Variants in MIX23 observed in about 807,000 individuals in gnomAD.
MIX23 encodes the protein protein MIX23.
A neutral mutation model predicts 21.6 loss-of-function variants in MIX23; 13 were observed. The observed-to-expected ratio is 0.60, with a 90% CI of 0.39 to 0.96. The LOEUF (loss-of-function observed/expected upper bound fraction) is 0.96, where lower values mean the gene tolerates loss of function less well. Among genes scored for constraint, MIX23 ranks in the 40% least tolerant of loss-of-function variants. The pLI is 0.00. For synonymous variants in MIX23, 59 were observed against 58.0 expected (o/e 1.02, Z -0.08); for missense variants, 144 against 171.2 (o/e 0.84, Z 0.89).
chr3:122,360,162 G>A (rs957607036), intron 4 of MIX23, among the ~76,000 whole-genome samples: 1 of 151,222 alleles, frequency 6.6e-6, no homozygotes, highest in Admixed American at 6.6e-5. Flanking sequence ...AGTTACTTCG[G>A]GAAAAAATCA....
chr3:122,360,242 A>C (rs1236996413), intron 4 of MIX23, among the ~76,000 whole-genome samples: 1 of 152,238 alleles, frequency 6.6e-6, no homozygotes, highest in East Asian at 1.9e-4. Context: ...TTAAACAACA[A>C]CACAAAAATA....
At chr3:122,378,933 T>C (rs984193329) in intron 1 of MIX23, among the ~76,000 whole-genome samples, 8 of 152,244 alleles carry the variant, frequency 5.3e-5, no homozygotes. Flanking sequence ...AGCCACCTGT[T>C]GCTAGTGGCT....
chr3:122,382,094 C>T (rs1367953570), intron 1 of MIX23, among the ~76,000 whole-genome samples: 2 of 152,104 alleles, frequency 1.3e-5, no homozygotes, highest in African/African-American at 4.8e-5. Flanking sequence ...TCTAGGCACT[C>T]GATTTTAAAC....
intron 1 of MIX23, among the ~76,000 whole-genome samples, chr3:122,377,789 G>A (rs373024831): frequency 5.3e-5 from 8 of 152,108 alleles, no homozygotes; most frequent in South Asian, 4.1e-4. Context: ...TCAAGGTTAC[G>A]GTTACCTATG....
At chr3:122,363,806 AG>A (rs2075377021) in intron 3 of MIX23, among the ~76,000 whole-genome samples, 1 of 152,028 alleles carries the variant, frequency 6.6e-6, no homozygotes, top group Non-Finnish European at 1.5e-5. Context: ...CCAACAGAAA[AG>A]TAGCCAATTC....
At chr3:122,382,835 G>T (rs1003017739) in intron 1 of MIX23, among the ~76,000 whole-genome samples, 1 of 152,202 alleles carries the variant, frequency 6.6e-6, no homozygotes, top group Non-Finnish European at 1.5e-5. Context: ...AGTAGGAGAG[G>T]AATGGCAGAA....
intron 1 of MIX23, among the ~76,000 whole-genome samples, chr3:122,375,679 T>A (rs893521534): frequency 6.6e-5 from 10 of 152,148 alleles, no homozygotes; most frequent in African/African-American, 9.7e-5. Context: ...AACTTTTTTT[T>A]AAAGTTTTGT....
At chr3:122,363,072 G>GA in intron 3 of MIX23, 45 bp from the exon 4 acceptor site, 45 of 1,499,384 alleles carry the variant, frequency 3.0e-5, no homozygotes, top group Non-Finnish European at 3.4e-5. Flanking sequence ...TAAAGAGCAA[G>GA]AAAAAAAACT....
intron 1 of MIX23, among the ~76,000 whole-genome samples, chr3:122,373,804 G>A (rs140313961): frequency 1.4e-4 from 22 of 152,186 alleles, no homozygotes; most frequent in Middle Eastern, 6.8e-3. Context: ...CTTGCAGAAG[G>A]CTCATAATTC....
In MIX23 at chr3:122,373,184, T is replaced by C. The variant is rs1000900194; in HGVS notation, c.52-1384A>G. Among the ~76,000 whole-genome samples the C allele has an allele frequency of 1.2e-4, 19 of 152,112 alleles. No individual in the cohort carries two copies. The East Asian group carries it at 2.3e-3, about 18-fold the overall frequency. The stretch of plus-strand genomic sequence containing the variant: ...TTCTACACATACCTATTAATGTTTT[T>C]ATACAACTGAGGTACTATGTAACAT... On this transcript the variant is annotated intron_variant, in intron 1 of 4. Coordinates refer to ENST00000291458, the MANE Select transcript of MIX23 (RefSeq NM_001017928.4).
chr3:122,367,054 T>TA (rs1405653469), intron 3 of MIX23, among the ~76,000 whole-genome samples: 1 of 152,070 alleles, frequency 6.6e-6, no homozygotes, highest in Non-Finnish European at 1.5e-5. Context: ...GTGTATAACA[T>TA]AGTCTCAAAA....
chr3:122,370,477 A>AAAC (rs1209020171), intron 2 of MIX23, among the ~76,000 whole-genome samples: 2 of 151,288 alleles, frequency 1.3e-5, no homozygotes, highest in East Asian at 3.9e-4. Flanking sequence ...AAAAAAAAAA[A>AAAC]AAAACTGAGG....
intron 3 of MIX23, among the ~76,000 whole-genome samples, chr3:122,364,566 A>G (rs769700445): frequency 5.3e-5 from 8 of 152,222 alleles, no homozygotes; most frequent in Non-Finnish European, 1.0e-4. Context: ...AGCAGTACTT[A>G]TATATCATGG....
intron 1 of MIX23, among the ~76,000 whole-genome samples, chr3:122,377,450 GA>G (rs541953759): frequency 3.7e-4 from 56 of 152,272 alleles, no homozygotes; most frequent in African/African-American, 1.3e-3. Context: ...AATGATTAAG[GA>G]ATTCTTACAT....
chr3:122,375,886 C>T (rs1219479126), intron 1 of MIX23, among the ~76,000 whole-genome samples: 6 of 152,076 alleles, frequency 3.9e-5, no homozygotes. Context: ...AAAAAACACA[C>T]CTAGAGGATG....
rs929462800 is a variant in MIX23 at position 122,360,160 on chromosome 3, C to T, written c.385-241G>A. Among the ~76,000 whole-genome samples, 9 of 151,364 alleles carry T rather than the reference C, an allele frequency of 5.9e-5. No homozygotes were observed. In the East Asian group the frequency reaches 1.4e-3, roughly 23 times the overall value. The stretch of plus-strand genomic sequence containing the variant: ...TATTTTAATAAAATTTAAGTTACTT[C>T]GGGAAAAAATCATCAAGAGCCAGGT... On this transcript the variant is annotated intron_variant, in intron 4 of 4. Coordinates refer to ENST00000291458, the MANE Select transcript of MIX23 (RefSeq NM_001017928.4).
intron 1 of MIX23, among the ~76,000 whole-genome samples, chr3:122,382,649 T>G (rs2107691278): frequency 6.6e-6 from 1 of 152,342 alleles, no homozygotes; most frequent in Non-Finnish European, 1.5e-5. Flanking sequence ...GCAAAACCTC[T>G]AAATATTACA....
intron 4 of MIX23, 124 bp downstream of exon 4, chr3:122,362,844 T>C: frequency 2.5e-6 from 1 of 396,302 alleles, no homozygotes; most frequent in East Asian, 6.2e-5. Context: ...CAATTGTAAA[T>C]GTAAACGAGT....
chr3:122,367,900 T>C (rs1026391461), intron 3 of MIX23: 3 of 404,092 alleles, frequency 7.4e-6, no homozygotes, highest in East Asian at 5.9e-5. Flanking sequence ...TTGTCTTTAA[T>C]AGTGGGAAAG....
Sources: allele counts gnomAD v4.1 joint callset (sites outside exome capture counted in the v4.1 genomes callset), GRCh38; gene constraint gnomAD v4.1.1; transcripts MANE v1.5; gene names NCBI Gene and HGNC (gene_info 2026-07-23, HGNC 2026-07-21).